LRRC4C: variants seen among roughly 807,000 people sequenced by gnomAD.
LRRC4C encodes the protein leucine rich repeat containing 4C.
In LRRC4C, 5 loss-of-function variants were observed where a neutral mutation model predicts 33.6. That is an observed-to-expected ratio of 0.15 (90% CI 0.08 to 0.31). LRRC4C has a LOEUF of 0.31. Among genes scored for constraint, LRRC4C ranks in the 10% least tolerant of loss-of-function variants. The probability of loss-of-function intolerance (pLI) is 1.00; values close to 1 mark genes in which losing one functional copy is unlikely to be tolerated. For synonymous variants in LRRC4C, 329 were observed against 302.0 expected, an observed-to-expected ratio of 1.09 and a Z score of -0.93; for missense variants, 560 against 796.7, an observed-to-expected ratio of 0.70 and a Z score of 3.58.
chr11:41,002,341 G>A (rs1854441812), intron 1 of LRRC4C, among the ~76,000 whole-genome samples: 1 of 152,146 alleles, frequency 6.6e-6, no homozygotes, highest in South Asian at 2.1e-4. Flanking sequence ...TTGACACAGA[G>A]CTCTCTGAGT....
At chr11:40,790,772 G>T (rs1244888001) in intron 2 of LRRC4C, among the ~76,000 whole-genome samples, 10 of 152,180 alleles carry the variant, frequency 6.6e-5, no homozygotes, top group Admixed American at 6.5e-4. Context: ...ATTAGTGTTT[G>T]TGATCTGTTA....
At chr11:41,455,880 A>G (rs1956157936) in intron 1 of LRRC4C, among the ~76,000 whole-genome samples, 1 of 152,138 alleles carries the variant, frequency 6.6e-6, no homozygotes, top group Admixed American at 6.6e-5. Flanking sequence ...CTGATTCTCA[A>G]TCCAGAGGGT....
intron 1 of LRRC4C, among the ~76,000 whole-genome samples, chr11:41,197,793 T>C (rs2072106200): frequency 6.6e-6 from 1 of 151,970 alleles, no homozygotes; most frequent in Admixed American, 6.6e-5. Flanking sequence ...GGGTCTTAGT[T>C]TGCATGGTAA....
intron 1 of LRRC4C, among the ~76,000 whole-genome samples, chr11:41,194,870 C>G (rs1024362829): frequency 2.0e-4 from 31 of 151,940 alleles, no homozygotes; most frequent in South Asian, 4.2e-4. Flanking sequence ...ATAAATAATA[C>G]CAGATATGGA....
intron 5 of LRRC4C, among the ~76,000 whole-genome samples, chr11:40,203,286 C>T (rs555665388): frequency 6.6e-6 from 1 of 152,208 alleles, no homozygotes; most frequent in South Asian, 2.1e-4. Flanking sequence ...CAATAAAGAA[C>T]CACAACATTT....
chr11:41,121,745 GATAAA>G, intron 1 of LRRC4C, among the ~76,000 whole-genome samples: 1 of 152,246 alleles, frequency 6.6e-6, no homozygotes, highest in South Asian at 2.1e-4. Flanking sequence ...CATGCTAGAG[GATAAA>G]ATAAAAGGGA....
intron 3 of LRRC4C, among the ~76,000 whole-genome samples, chr11:40,450,126 T>A (rs1284636869): frequency 6.6e-6 from 1 of 152,084 alleles, no homozygotes. Flanking sequence ...TATGGGCAGG[T>A]ATAGGGCAAA....
At chr11:40,201,345 TTTTG>T (rs1862737454) in intron 5 of LRRC4C, among the ~76,000 whole-genome samples, 1 of 152,014 alleles carries the variant, frequency 6.6e-6, no homozygotes, top group African/African-American at 2.4e-5. Flanking sequence ...TGGCTCACTG[TTTTG>T]TTTTTGTTTT....
intron 4 of LRRC4C, among the ~76,000 whole-genome samples, chr11:40,280,301 G>T (rs1190581746): frequency 6.6e-6 from 1 of 152,214 alleles, no homozygotes; most frequent in Non-Finnish European, 1.5e-5. Flanking sequence ...GTGAACAGCA[G>T]AAGGGTTGGA....
intron 5 of LRRC4C, among the ~76,000 whole-genome samples, chr11:40,166,181 A>C (rs1235459964): frequency 6.6e-6 from 1 of 152,180 alleles, no homozygotes; most frequent in Non-Finnish European, 1.5e-5. Flanking sequence ...AACAGACTAA[A>C]CTGAAATGAG....
At position 41,055,180 on chromosome 11, in the gene LRRC4C, A is replaced by G. The variant is rs1278967064; in HGVS notation, c.-495-121457T>C. 2.0e-5 allele frequency among the ~76,000 whole-genome samples: 3 copies of G among 152,112 alleles called. No homozygotes were observed. The East Asian group carries it at 5.8e-4, about 29-fold the overall frequency. The stretch of plus-strand genomic sequence containing the variant: ...AATTTTATTTAAATTTTTTTTGTGA[A>G]TGAATCCCATTTTATCTACTCTTGT... On this transcript the variant is annotated intron_variant, in intron 1 of 6. Transcript: ENST00000528697.
intron 1 of LRRC4C, among the ~76,000 whole-genome samples, chr11:41,012,255 CCTCTGTTAACCACCAGTTTACT>C (rs908703091): frequency 2.6e-5 from 4 of 152,050 alleles, no homozygotes; most frequent in Admixed American, 1.3e-4. Context: ...CCCTTCTCAG[CCTCTGTTAACCACCAGTTTACT>C]CTCTCTCCAT....
At chr11:40,248,073 G>A (rs1866487492) in intron 4 of LRRC4C, among the ~76,000 whole-genome samples, 1 of 152,136 alleles carries the variant, frequency 6.6e-6, no homozygotes, top group African/African-American at 2.4e-5. Flanking sequence ...AAAGCCTTGT[G>A]ACATGATTAC....
chr11:41,018,876 T>G (rs1855767465), intron 1 of LRRC4C, among the ~76,000 whole-genome samples: 1 of 152,220 alleles, frequency 6.6e-6, no homozygotes, highest in Non-Finnish European at 1.5e-5. Flanking sequence ...TCATTCTCAT[T>G]ATTTCTTTGA....
At chr11:40,738,563 A>G (rs1301705996) in intron 2 of LRRC4C, among the ~76,000 whole-genome samples, 1 of 152,174 alleles carries the variant, frequency 6.6e-6, no homozygotes, top group Non-Finnish European at 1.5e-5. Flanking sequence ...CAAATAATAT[A>G]TACAATTATA....
At chr11:41,257,217 T>C (rs548398595) in intron 1 of LRRC4C, among the ~76,000 whole-genome samples, 1 of 152,060 alleles carries the variant, frequency 6.6e-6, no homozygotes, top group South Asian at 2.1e-4. Context: ...AAATAGTGTA[T>C]AATACAGCTC....
chr11:40,132,238 C>G (rs553647721), intron 6 of LRRC4C, among the ~76,000 whole-genome samples: 1 of 152,162 alleles, frequency 6.6e-6, no homozygotes, highest in Non-Finnish European at 1.5e-5. Context: ...ACATTTACAA[C>G]CTTCTCATAA....
chr11:40,784,518 T>C (rs1269944632), intron 2 of LRRC4C, among the ~76,000 whole-genome samples: 1 of 152,212 alleles, frequency 6.6e-6, no homozygotes, highest in Non-Finnish European at 1.5e-5. Flanking sequence ...CAAGCAATGA[T>C]AGTAACATTT....
At chr11:40,722,773 T>C (rs1947091249) in intron 2 of LRRC4C, among the ~76,000 whole-genome samples, 1 of 152,126 alleles carries the variant, frequency 6.6e-6, no homozygotes, top group Non-Finnish European at 1.5e-5. Context: ...ATGTCTGAAA[T>C]GACAGACATA....
Sources: gnomAD v4.1 joint callset for allele counts (sites outside exome capture counted in the v4.1 genomes callset) on GRCh38, gnomAD v4.1.1 for gene constraint, MANE v1.5 for transcripts, NCBI Gene and HGNC (gene_info 2026-07-23, HGNC 2026-07-21) for gene names.